LCOR: variants seen among roughly 807,000 people sequenced by gnomAD.
LCOR encodes the protein ligand dependent nuclear receptor corepressor.
Under a neutral mutation model 64.4 loss-of-function variants are expected in LCOR, and 14 were observed. The observed-to-expected ratio is 0.22, with a 90% CI of 0.14 to 0.34. The LOEUF (loss-of-function observed/expected upper bound fraction) is 0.34, where lower values mean the gene tolerates loss of function less well. Among genes scored for constraint, LCOR ranks in the 10% least tolerant of loss-of-function variants. The pLI, the probability that LCOR is intolerant of heterozygous loss-of-function variation, is 1.00. For missense variants in LCOR, 1,686 were observed against 1,765.3 expected (o/e 0.96, Z 0.80); for synonymous variants, 643 against 642.5 (o/e 1.00, Z -0.01).
chr10:96,981,520 T>G lies in LCOR; in HGVS notation c.1060T>G (p.Ser354Ala). The part of the protein sequence containing the change: ...FKALSEEAWN[S>A]GFMGNSSRTA... ...AGCTTTATCAGAAGAGGCTTGGAAC[T>G]CAGGGTTTATGGGGAACTCATCTAG... The change falls in exon 8 of 8, where the codon TCA becomes GCA. Residue 354 changes from serine (S) to alanine (A), a missense_variant. This residue lies in a region of LCOR where 313 missense variants were observed against 247.2 expected (regional missense o/e 1.27). Transcript: ENST00000421806. The G allele has an allele frequency of 6.2e-7, 1 of 1,614,202 alleles. No homozygotes were observed. Among genetic ancestry groups the G allele is most frequent in the South Asian group, 1.1e-5 (1 of 91,084 alleles).
rs191477503 is a variant in LCOR at position 96,859,504 on chromosome 10, G to T, written c.-330+26025G>T. On this transcript the variant is annotated intron_variant, in intron 2 of 7. Transcript: ENST00000421806. ...TAGGATTATAGGTGCGAGCCACCGC[G>T]CCCAGCCTAGACTTGTATCATTCTT... 9.7e-4 allele frequency among the ~76,000 whole-genome samples: 148 copies of T among 152,094 alleles called. 1 individual carries two copies. Among genetic ancestry groups the T allele is most frequent in the African/African-American group, 3.4e-3 (141 of 41,498 alleles).
intron 2 of LCOR, among the ~76,000 whole-genome samples, chr10:96,881,814 TA>T (rs1846267810): frequency 6.6e-6 from 1 of 152,230 alleles, no homozygotes; most frequent in African/African-American, 2.4e-5. Flanking sequence ...CATGATATTT[TA>T]TAGATTGTTG....
intron 2 of LCOR, among the ~76,000 whole-genome samples, chr10:96,851,268 C>A (rs1845717799): frequency 6.6e-6 from 1 of 152,162 alleles, no homozygotes; most frequent in South Asian, 2.1e-4. Context: ...ATGTTTATGC[C>A]ATGTACTTTT....
At chr10:96,915,187 T>G (rs186332199) in intron 4 of LCOR, among the ~76,000 whole-genome samples, 88 of 152,206 alleles carry the variant, frequency 5.8e-4, no homozygotes, top group African/African-American at 2.1e-3. Flanking sequence ...AAAACGACAA[T>G]GAAGTATTCT....
chr10:96,867,000 T>TG (rs1401583821), intron 2 of LCOR, among the ~76,000 whole-genome samples: 7 of 152,102 alleles, frequency 4.6e-5, no homozygotes, highest in Non-Finnish European at 8.8e-5. Flanking sequence ...TACTATTATT[T>TG]TTTTTGAGAT....
At chr10:96,957,916 C>A (rs984612137) in intron 7 of LCOR, 49 of 986,228 alleles carry the variant, frequency 5.0e-5, no homozygotes, top group Middle Eastern at 5.2e-4. Flanking sequence ...AGTTTGGGTT[C>A]AATAGCATTT....
At chr10:96,936,815 C>G (rs1847358356) in intron 4 of LCOR, among the ~76,000 whole-genome samples, 1 of 151,000 alleles carries the variant, frequency 6.6e-6, no homozygotes, top group Non-Finnish European at 1.5e-5. Context: ...ACAGATCGTA[C>G]CAAACTCTAT....
chr10:96,876,855 G>T (rs929033920), intron 2 of LCOR, among the ~76,000 whole-genome samples: 1 of 151,922 alleles, frequency 6.6e-6, no homozygotes, highest in Non-Finnish European at 1.5e-5. Context: ...CACCACACCC[G>T]GCTAATTTCT....
chr10:96,846,249 T>G (rs975021660), intron 2 of LCOR, among the ~76,000 whole-genome samples: 6 of 145,698 alleles, frequency 4.1e-5, no homozygotes, highest in African/African-American at 1.0e-4. Flanking sequence ...TGGCTTTAAG[T>G]TTTTTTTTTT....
chr10:96,927,362 T>G (rs985728222), intron 4 of LCOR, among the ~76,000 whole-genome samples: 1 of 152,102 alleles, frequency 6.6e-6, no homozygotes, highest in Non-Finnish European at 1.5e-5. Context: ...TTATAATAAT[T>G]CTTTATATAT....
chr10:96,840,029 T>G (rs1297367869), intron 2 of LCOR, among the ~76,000 whole-genome samples: 1 of 152,196 alleles, frequency 6.6e-6, no homozygotes, highest in Non-Finnish European at 1.5e-5. Flanking sequence ...TTTAAAGTGT[T>G]TGTTTGAATT....
chr10:96,894,153 A>G (rs1339309626), intron 2 of LCOR, among the ~76,000 whole-genome samples: 2 of 152,056 alleles, frequency 1.3e-5, no homozygotes, highest in African/African-American at 4.8e-5. Flanking sequence ...GTGCGGTGGC[A>G]TGATCTCAGC....
chr10:96,848,674 C>A (rs757557392), intron 2 of LCOR, among the ~76,000 whole-genome samples: 1 of 151,778 alleles, frequency 6.6e-6, no homozygotes, highest in Non-Finnish European at 1.5e-5. Flanking sequence ...CAAAACAAAA[C>A]AACAAAAAAT....
At chr10:96,874,592 T>C (rs1846132560) in intron 2 of LCOR, among the ~76,000 whole-genome samples, 1 of 152,012 alleles carries the variant, frequency 6.6e-6, no homozygotes, top group Non-Finnish European at 1.5e-5. Context: ...CTGCAAATAA[T>C]AGACCATGTA....
At chr10:96,833,668 C>G (rs1467705937) in intron 2 of LCOR, among the ~76,000 whole-genome samples, 189 bp downstream of exon 2, 1 of 152,240 alleles carries the variant, frequency 6.6e-6, no homozygotes, top group African/African-American at 2.4e-5. Flanking sequence ...GCCCAGAATT[C>G]CAGCCCCTTC....
intron 7 of LCOR, among the ~76,000 whole-genome samples, chr10:96,969,016 A>G (rs1847974414): frequency 6.6e-6 from 1 of 152,140 alleles, no homozygotes; most frequent in Admixed American, 6.5e-5. Flanking sequence ...CCCGAGTTTC[A>G]GTTTTCTTAT....
chr10:96,986,725 T>G lies in LCOR; in HGVS notation c.*1591T>G, dbSNP rs1001662155. The G allele has an allele frequency of 5.9e-5, 9 of 152,266 alleles. No individual in the cohort carries two copies. Among genetic ancestry groups the G allele is most frequent in the African/African-American group, 2.2e-4 (9 of 41,464 alleles). 9.4% of individuals were successfully genotyped at this position (152,266 alleles called of 1,614,324 possible). On this transcript the variant is annotated 3_prime_UTR_variant, in exon 8 of 8. Transcript: ENST00000421806. Reference sequence around the variant, plus strand: ...CGCTCTACAAAAAAAGGCTTGGTTGTTGAAGCCTCAGTCAGCTTCCTTAAC... The same window carrying G: ...CGCTCTACAAAAAAAGGCTTGGTTGGTGAAGCCTCAGTCAGCTTCCTTAAC...
chr10:96,915,912 G>A (rs1373034061), intron 4 of LCOR: 18 of 406,750 alleles, frequency 4.4e-5, no homozygotes, highest in South Asian at 2.9e-4. Context: ...TATTGGCAGC[G>A]ACGGCGGCAG....
intron 6 of LCOR, among the ~76,000 whole-genome samples, chr10:96,951,430 C>T (rs1310891873): frequency 6.6e-6 from 1 of 151,972 alleles, no homozygotes; most frequent in Non-Finnish European, 1.5e-5. Flanking sequence ...TCATAAAATT[C>T]AGCAATTGAA....
Sources: gnomAD v4.1 joint callset for allele counts (sites outside exome capture counted in the v4.1 genomes callset) on GRCh38, gnomAD v4.1.1 for gene constraint, gnomAD v4.1.1 regional missense constraint, MANE v1.5 for transcripts, NCBI Gene and HGNC (gene_info 2026-07-23, HGNC 2026-07-21) for gene names.